CDHR3: variants seen among roughly 807,000 people sequenced by gnomAD.
CDHR3 encodes the protein cadherin related family member 3.
CDHR3 carries 79 observed loss-of-function variants against 86.6 expected under a neutral mutation model. The ratio of observed to expected loss-of-function variants is 0.91; its 90% CI spans 0.76 to 1.10. The LOEUF (loss-of-function observed/expected upper bound fraction) is 1.10, where lower values mean the gene tolerates loss of function less well. Among genes scored for constraint, CDHR3 ranks in the 50% least tolerant of loss-of-function variants. The pLI is 0.00. For missense variants in CDHR3, 1,081 were observed against 1,077.6 expected, an observed-to-expected ratio of 1.00 and a Z score of -0.04; for synonymous variants, 421 against 402.4, an observed-to-expected ratio of 1.05 and a Z score of -0.55.
In CDHR3 at chr7:105,974,949, C is replaced by T. The variant is rs1481715013; in HGVS notation, c.152C>T (p.Ser51Leu). The change falls in exon 2 of 19, where the codon TCA (serine) becomes TTA (leucine). Residue 51 changes from serine to leucine, a missense_variant. By Grantham distance (145) the Ser-to-Leu change is moderately radical (BLOSUM62 -2). Coordinates refer to ENST00000317716, the MANE Select transcript of CDHR3 (RefSeq NM_152750.5). Reference sequence around the variant, plus strand: ...AAGTTTTCTGTGAAGTTATCAGCATCATTGTCACCTGTGATCCCAGGATTT... The same window carrying T: ...AAGTTTTCTGTGAAGTTATCAGCATTATTGTCACCTGTGATCCCAGGATTT... ...VHKFSVKLSA[S>L]LSPVIPGFPQ... is the part of the protein sequence containing the mutation. The T allele has an allele frequency of 6.2e-6, 10 of 1,613,656 alleles. No individual in the cohort carries two copies. The highest frequency in any genetic ancestry group is 8.5e-6 in the Non-Finnish European group (10 of 1,179,672).
chr7:106,018,767 C>T (rs536565991), intron 12 of CDHR3, among the ~76,000 whole-genome samples: 40 of 152,130 alleles, frequency 2.6e-4, no homozygotes, highest in South Asian at 4.2e-4. Context: ...GCAGTTATGC[C>T]GTGTTCCTAC....
chr7:105,978,898 T>C (rs1410883805), intron 2 of CDHR3, among the ~76,000 whole-genome samples: 1 of 152,130 alleles, frequency 6.6e-6, no homozygotes, highest in African/African-American at 2.4e-5. Context: ...CTATCCAAGC[T>C]TGGCATGCAG....
At chr7:105,984,019 T>A (rs766584632) in intron 3 of CDHR3, among the ~76,000 whole-genome samples, 173 bp from the exon 4 acceptor site, 1 of 152,162 alleles carries the variant, frequency 6.6e-6, no homozygotes, top group Non-Finnish European at 1.5e-5. Flanking sequence ...CCTAAATGGA[T>A]CCATGCAGGA....
intron 15 of CDHR3, among the ~76,000 whole-genome samples, chr7:106,026,291 C>T (rs1318741146): frequency 1.3e-5 from 2 of 152,178 alleles, no homozygotes; most frequent in African/African-American, 2.4e-5. Context: ...TCTCAAACCT[C>T]CCTGTTGTGA....
intron 16 of CDHR3, 119 bp downstream of exon 16, chr7:106,026,814 T>A: frequency 2.9e-6 from 3 of 1,036,878 alleles, no homozygotes; most frequent in Non-Finnish European, 4.5e-6. Flanking sequence ...CATTTTCAGC[T>A]GCATCTTCTG....
intron 2 of CDHR3, among the ~76,000 whole-genome samples, chr7:105,980,606 A>T (rs1242853036): frequency 0.013 from 379 of 29,656 alleles, no homozygotes; most frequent in African/African-American, 0.024. Flanking sequence ...TTTTTTTTTT[A>T]ATTTTTTTTT....
intron 1 of CDHR3, among the ~76,000 whole-genome samples, chr7:105,968,209 A>G (rs1827287937): frequency 6.6e-6 from 1 of 152,106 alleles, no homozygotes; most frequent in Non-Finnish European, 1.5e-5. Context: ...GTTCCTCCCA[A>G]AAAAGGGGGT....
intron 7 of CDHR3, 130 bp from the exon 8 acceptor site, chr7:106,004,368 A>G (rs1472704896): frequency 2.8e-6 from 2 of 711,192 alleles, no homozygotes; most frequent in African/African-American, 1.8e-5. Context: ...TCAAAAATGT[A>G]TTTGTATAGA....
Position 105,969,884 on chromosome 7 carries a change from G to A in CDHR3, c.47-4960G>A, listed in dbSNP as rs137975006. On this transcript the variant is annotated intron_variant, in intron 1 of 18. Transcript: ENST00000317716. Reference sequence around the variant, plus strand: ...TTCTTTAGCAAAGGAACCCTGTTTAGTGGCTACTGTTAATGTAGCACCATA... The same window carrying A: ...TTCTTTAGCAAAGGAACCCTGTTTAATGGCTACTGTTAATGTAGCACCATA... Among the ~76,000 whole-genome samples, 318 of 152,262 alleles carry A rather than the reference G, an allele frequency of 2.1e-3. 1 individual carries two copies. Among genetic ancestry groups the A allele is most frequent in the African/African-American group, 7.3e-3 (304 of 41,556 alleles).
At chr7:105,994,218 TG>T (rs1301259254) in intron 4 of CDHR3, among the ~76,000 whole-genome samples, 2 of 149,118 alleles carry the variant, frequency 1.3e-5, no homozygotes, top group African/African-American at 5.2e-5. Flanking sequence ...TATTACCTAG[TG>T]GGTAGTAGCT....
intron 16 of CDHR3, among the ~76,000 whole-genome samples, chr7:106,028,183 G>A (rs987873555): frequency 5.3e-5 from 7 of 130,938 alleles, no homozygotes; most frequent in African/African-American, 2.0e-4. Flanking sequence ...AAAATAAAAG[G>A]GCTTGGGAAT....
At chr7:106,029,191 G>T (rs1405287768) in intron 17 of CDHR3, among the ~76,000 whole-genome samples, 1 of 152,084 alleles carries the variant, frequency 6.6e-6, no homozygotes, top group Non-Finnish European at 1.5e-5. Flanking sequence ...ATGTTGGCCA[G>T]GCTGGTCTTG....
At chr7:106,028,766 A>T (rs1341450668) in intron 17 of CDHR3, among the ~76,000 whole-genome samples, 184 bp downstream of exon 17, 1 of 152,208 alleles carries the variant, frequency 6.6e-6, no homozygotes, top group East Asian at 1.9e-4. Flanking sequence ...CCTCCACTGA[A>T]CATGCCTGCT....
chr7:106,031,149 A>C (rs1318224010), intron 18 of CDHR3, among the ~76,000 whole-genome samples: 1 of 152,202 alleles, frequency 6.6e-6, no homozygotes, highest in Non-Finnish European at 1.5e-5. Flanking sequence ...AGTTGAGGGA[A>C]CTGGTGAATC....
intron 8 of CDHR3, among the ~76,000 whole-genome samples, chr7:106,007,394 G>A (rs1834093818): frequency 2.0e-5 from 3 of 152,232 alleles, no homozygotes; most frequent in Admixed American, 1.3e-4. Flanking sequence ...TTGTCAGGCT[G>A]CAAAATTTCC....
chr7:105,997,063 C>T (rs976159715), intron 6 of CDHR3, among the ~76,000 whole-genome samples: 21 of 152,120 alleles, frequency 1.4e-4, no homozygotes, highest in African/African-American at 5.1e-4. Flanking sequence ...TCTGCCTGCC[C>T]CAGTCCCTGA....
chr7:105,993,994 C>T (rs975406367), intron 4 of CDHR3, among the ~76,000 whole-genome samples: 5 of 152,216 alleles, frequency 3.3e-5, no homozygotes, highest in Non-Finnish European at 7.3e-5. Flanking sequence ...CCTTATGCCA[C>T]GTGCCAGGGA....
chr7:106,001,659 T>C (rs1833198925), intron 7 of CDHR3, 49 bp downstream of exon 7: 2 of 1,606,540 alleles, frequency 1.2e-6, no homozygotes, highest in African/African-American at 1.3e-5. Context: ...TTCAGCCATG[T>C]GGATTGTCTT....
chr7:105,991,867 G>A (rs1312657670), intron 4 of CDHR3, among the ~76,000 whole-genome samples: 2 of 152,150 alleles, frequency 1.3e-5, no homozygotes, highest in African/African-American at 4.8e-5. Context: ...CATGTACCAG[G>A]CATTGTTCTA....
Sources: gnomAD v4.1 joint callset for allele counts (sites outside exome capture counted in the v4.1 genomes callset) on GRCh38, gnomAD v4.1.1 for gene constraint, MANE v1.5 for transcripts, NCBI Gene and HGNC (gene_info 2026-07-23, HGNC 2026-07-21) for gene names.